Variants in SIPA1L1 observed in about 807,000 individuals in gnomAD.
The protein encoded by SIPA1L1 is signal induced proliferation associated 1 like 1.
Under a neutral mutation model 162.7 loss-of-function variants are expected in SIPA1L1, and 26 were observed. That is an observed-to-expected ratio of 0.16 (90% CI 0.12 to 0.22). SIPA1L1 has a LOEUF of 0.22. SIPA1L1 is among the 10% of genes least tolerant of loss of function. The probability of loss-of-function intolerance (pLI) is 1.00; values close to 1 mark genes in which losing one functional copy is unlikely to be tolerated. For missense variants in SIPA1L1, 1,874 were observed against 2,241.0 expected (o/e 0.84, Z 3.31); for synonymous variants, 829 against 837.4 (o/e 0.99, Z 0.17).
At chr14:71,354,045 A>AT (rs199806563) in intron 2 of SIPA1L1, among the ~76,000 whole-genome samples, 2 of 151,352 alleles carry the variant, frequency 1.3e-5, no homozygotes, top group South Asian at 2.1e-4. Context: ...TACTCAAACA[A>AT]TTTTTTTTTC....
intron 5 of SIPA1L1, among the ~76,000 whole-genome samples, chr14:71,616,691 C>G (rs539075466): frequency 3.3e-5 from 5 of 152,056 alleles, no homozygotes; most frequent in African/African-American, 4.8e-5. Flanking sequence ...TTCTTTATTT[C>G]CTTTGTGTTG....
intron 2 of SIPA1L1, among the ~76,000 whole-genome samples, chr14:71,349,862 T>A (rs770971164): frequency 6.6e-6 from 1 of 152,148 alleles, no homozygotes; most frequent in Non-Finnish European, 1.5e-5. Flanking sequence ...GACGCATTAG[T>A]AAGTAATCCC....
intron 2 of SIPA1L1, among the ~76,000 whole-genome samples, chr14:71,481,754 TG>T (rs2048369740): frequency 6.6e-6 from 1 of 152,200 alleles, no homozygotes; most frequent in Non-Finnish European, 1.5e-5. Context: ...TAACTGTAGG[TG>T]ATCATAAATC....
intron 2 of SIPA1L1, among the ~76,000 whole-genome samples, chr14:71,379,191 C>T (rs2039670904): frequency 6.6e-6 from 1 of 152,010 alleles, no homozygotes; most frequent in Non-Finnish European, 1.5e-5. Context: ...ATCTCATATG[C>T]TGTTGCCTTT....
chr14:71,410,305 G>T (rs1312097848), intron 2 of SIPA1L1, among the ~76,000 whole-genome samples: 1 of 152,132 alleles, frequency 6.6e-6, no homozygotes, highest in African/African-American at 2.4e-5. Context: ...TTTTCAAAGT[G>T]CTGGGCTGTT....
intron 4 of SIPA1L1, among the ~76,000 whole-genome samples, chr14:71,569,806 C>T (rs1001250741): frequency 6.6e-6 from 1 of 152,196 alleles, no homozygotes; most frequent in Non-Finnish European, 1.5e-5. Flanking sequence ...TCAGTACTTG[C>T]CTGAGGTTGT....
chr14:71,557,814 A>G (rs1196417285), intron 4 of SIPA1L1, among the ~76,000 whole-genome samples: 1 of 152,250 alleles, frequency 6.6e-6, no homozygotes, highest in African/African-American at 2.4e-5. Context: ...GACTGCCAAC[A>G]TAGTTTATGG....
chr14:71,341,397 A>G (rs1396987128), intron 2 of SIPA1L1, among the ~76,000 whole-genome samples: 1 of 152,192 alleles, frequency 6.6e-6, no homozygotes. Flanking sequence ...ACTTCTGCCT[A>G]TTGCCCTAAA....
At chr14:71,455,708 A>G (rs1170685776) in intron 2 of SIPA1L1, among the ~76,000 whole-genome samples, 1 of 152,134 alleles carries the variant, frequency 6.6e-6, no homozygotes, top group Non-Finnish European at 1.5e-5. Context: ...TCATGTTACT[A>G]ATAAGGGTAA....
intron 7 of SIPA1L1, among the ~76,000 whole-genome samples, chr14:71,644,000 A>T (rs548188790): frequency 2.5e-4 from 38 of 151,978 alleles, no homozygotes; most frequent in African/African-American, 8.9e-4. Context: ...TAGAGACGGG[A>T]TTTCACCATG....
chr14:71,381,365 T>C (rs1257149882), intron 2 of SIPA1L1, among the ~76,000 whole-genome samples: 3 of 152,196 alleles, frequency 2.0e-5, no homozygotes, highest in Non-Finnish European at 4.4e-5. Flanking sequence ...ATATGACTTA[T>C]TTAATGAGTT....
rs1596292120 is a variant in SIPA1L1 at position 71,587,797 on chromosome 14, A to G, written c.-76A>G. On this transcript the variant is annotated 5_prime_UTR_variant, in exon 5 of 24. Coordinates refer to ENST00000381232, the MANE Select transcript of SIPA1L1 (RefSeq NM_001386936.1). ...TTGTATTTTCTGGAAGCCATTCTCC[A>G]AAAGGGAAGTGCACATTTAAAACAC... is the stretch of plus-strand genomic sequence containing the variant. 7.3e-7 allele frequency: 1 copy of G among 1,361,132 alleles called. No individual in the cohort carries two copies. The highest frequency in any genetic ancestry group is 1.4e-5 in the South Asian group (1 of 69,252). The allele number at this position is 1,361,132 out of a possible 1,614,324, so 84.3% of individuals were successfully genotyped here.
At chr14:71,591,398 C>A (rs2035377643) in intron 5 of SIPA1L1, among the ~76,000 whole-genome samples, 1 of 152,138 alleles carries the variant, frequency 6.6e-6, no homozygotes. Context: ...GTTCTCTGAT[C>A]TCTGCTAGGT....
chr14:71,732,247 A>T (rs150833178), intron 20 of SIPA1L1, among the ~76,000 whole-genome samples: 1 of 152,230 alleles, frequency 6.6e-6, no homozygotes, highest in Non-Finnish European at 1.5e-5. Context: ...GTCATAATAC[A>T]TGAAAATCTT....
chr14:71,704,389 AGT>A (rs930747461), intron 15 of SIPA1L1, among the ~76,000 whole-genome samples: 12 of 152,240 alleles, frequency 7.9e-5, no homozygotes, highest in African/African-American at 2.9e-4. Flanking sequence ...GTTAGGCATC[AGT>A]GTGTTATCAA....
intron 4 of SIPA1L1, among the ~76,000 whole-genome samples, chr14:71,533,642 A>C (rs1202537794): frequency 1.3e-5 from 2 of 152,242 alleles, no homozygotes; most frequent in Admixed American, 6.5e-5. Flanking sequence ...GCGGTTGTAC[A>C]TGCACATGCT....
chr14:71,630,013 C>T (rs1295179408), intron 7 of SIPA1L1, among the ~76,000 whole-genome samples: 1 of 152,182 alleles, frequency 6.6e-6, no homozygotes, highest in Non-Finnish European at 1.5e-5. Context: ...CTCTTTGATT[C>T]AGGCAGCTAG....
At chr14:71,547,042 T>C (rs1485010024) in intron 4 of SIPA1L1, among the ~76,000 whole-genome samples, 2 of 152,128 alleles carry the variant, frequency 1.3e-5, no homozygotes, top group South Asian at 4.1e-4. Context: ...CAGAACTATA[T>C]TGTGGTGCTT....
chr14:71,342,285 G>C (rs1200123729), intron 2 of SIPA1L1, among the ~76,000 whole-genome samples: 1 of 152,138 alleles, frequency 6.6e-6, no homozygotes, highest in Non-Finnish European at 1.5e-5. Context: ...CCCCCAAAGT[G>C]CTGGGATTAG....
Sources: gnomAD v4.1 joint callset for allele counts (sites outside exome capture counted in the v4.1 genomes callset) on GRCh38, gnomAD v4.1.1 for gene constraint, MANE v1.5 for transcripts, NCBI Gene and HGNC (gene_info 2026-07-23, HGNC 2026-07-21) for gene names.